The following ITFG1 variants were observed in gnomAD, a reference collection of about 807,000 sequenced individuals.
The protein encoded by ITFG1 is T-cell immunomodulatory protein.
In ITFG1, 34 loss-of-function variants were observed where a neutral mutation model predicts 81.8. The ratio of observed to expected loss-of-function variants is 0.42; its 90% CI spans 0.32 to 0.55. The LOEUF (loss-of-function observed/expected upper bound fraction) is 0.55. Among genes scored for constraint, ITFG1 ranks in the 20% least tolerant of loss-of-function variants. The probability of loss-of-function intolerance (pLI) is 0.17; values close to 1 mark genes in which losing one functional copy is unlikely to be tolerated. For synonymous variants in ITFG1, 285 were observed against 270.6 expected (o/e 1.05, Z -0.52); for missense variants, 672 against 755.4 (o/e 0.89, Z 1.29).
At chr16:47,324,473 T>G (rs1276622574) in intron 8 of ITFG1, among the ~76,000 whole-genome samples, 2 of 152,172 alleles carry the variant, frequency 1.3e-5, no homozygotes, top group Non-Finnish European at 2.9e-5. Context: ...CAGGATCAAA[T>G]TCACACATAA....
At chr16:47,224,443 G>A (rs1175524228) in intron 13 of ITFG1, among the ~76,000 whole-genome samples, 2 of 152,066 alleles carry the variant, frequency 1.3e-5, no homozygotes, top group Non-Finnish European at 1.5e-5. Context: ...ACTGGAGAAG[G>A]GCCTAACCTC....
At chr16:47,219,946 CA>C (rs1193099551) in intron 13 of ITFG1, among the ~76,000 whole-genome samples, 1 of 152,160 alleles carries the variant, frequency 6.6e-6, no homozygotes, top group African/African-American at 2.4e-5. Flanking sequence ...ACTTAAGAAA[CA>C]TTTTTATGTG....
chr16:47,307,460 T>C (rs1280052956), intron 10 of ITFG1, among the ~76,000 whole-genome samples: 3 of 152,178 alleles, frequency 2.0e-5, no homozygotes, highest in Non-Finnish European at 4.4e-5. Context: ...TGGGATTCAT[T>C]ATAGCAGATG....
At chr16:47,337,160 G>GA (rs1426922111) in intron 8 of ITFG1, among the ~76,000 whole-genome samples, 5 of 142,984 alleles carry the variant, frequency 3.5e-5, no homozygotes, top group Non-Finnish European at 4.6e-5. Context: ...AAAAGAAAAA[G>GA]AAAAAAAAAG....
intron 14 of ITFG1, among the ~76,000 whole-genome samples, chr16:47,190,288 A>G (rs1965276388): frequency 6.6e-6 from 1 of 152,196 alleles, no homozygotes; most frequent in South Asian, 2.1e-4. Flanking sequence ...ACTTTAAAAC[A>G]AAAGGTGAGA....
rs1965896052 is a variant in ITFG1, at chr16:47,238,072, T to C, written c.1331-64A>G. 3.5e-5 allele frequency: 32 copies of C among 906,928 alleles called. 1 individual carries two copies. In the South Asian group the frequency reaches 4.9e-4, roughly 14 times the overall value. The allele number at this position is 906,928 out of a possible 1,614,324, so 56.2% of individuals were successfully genotyped here. On this transcript the variant is annotated intron_variant, in intron 12 of 17. Transcript: ENST00000320640. ...TTTATATTTAAAGTGAGCTCTAATT[T>C]TCTCCCTAAGATCCATTAATATACT...
At chr16:47,224,418 T>C (rs148690095) in intron 13 of ITFG1, among the ~76,000 whole-genome samples, 4 of 152,296 alleles carry the variant, frequency 2.6e-5, no homozygotes, top group Admixed American at 1.3e-4. Context: ...AGCACTATGT[T>C]CGTGCCCCAG....
At chr16:47,202,094 A>G (rs1965431479) in intron 14 of ITFG1, 1 of 152,220 alleles carries the variant, frequency 6.6e-6, no homozygotes, top group South Asian at 2.1e-4. Context: ...TAAGAAGTAA[A>G]TAGTACTCCC....
At chr16:47,404,302 G>GA (rs1484466007) in intron 6 of ITFG1, among the ~76,000 whole-genome samples, 4 of 152,104 alleles carry the variant, frequency 2.6e-5, no homozygotes, top group African/African-American at 9.7e-5. Context: ...TAACACATAA[G>GA]AGAGTATAAT....
chr16:47,441,928 A>T (rs909594018), intron 5 of ITFG1, among the ~76,000 whole-genome samples: 1 of 152,060 alleles, frequency 6.6e-6, no homozygotes, highest in Non-Finnish European at 1.5e-5. Context: ...TATCTAGAAA[A>T]CCCCATCGTC....
chr16:47,349,236 A>C (rs531417875), intron 8 of ITFG1, among the ~76,000 whole-genome samples: 37 of 152,340 alleles, frequency 2.4e-4, no homozygotes, highest in Middle Eastern at 3.4e-3. Flanking sequence ...TAAATGGGCT[A>C]AATGCTCCAA....
At chr16:47,304,032 T>G (rs553546816) in intron 10 of ITFG1, among the ~76,000 whole-genome samples, 5 of 152,224 alleles carry the variant, frequency 3.3e-5, no homozygotes, top group African/African-American at 1.2e-4. Context: ...AATTCTTAGA[T>G]TGATACATTT....
intron 8 of ITFG1, among the ~76,000 whole-genome samples, chr16:47,334,976 C>A (rs1254978341): frequency 6.6e-6 from 1 of 152,112 alleles, no homozygotes; most frequent in East Asian, 1.9e-4. Context: ...GCAAAGAATT[C>A]TTAGATATGA....
chr16:47,364,321 G>C (rs1056316956), intron 8 of ITFG1, among the ~76,000 whole-genome samples: 1 of 152,006 alleles, frequency 6.6e-6, no homozygotes, highest in African/African-American at 2.4e-5. Flanking sequence ...ACATGCAAAC[G>C]TTTATGTTTA....
intron 10 of ITFG1, among the ~76,000 whole-genome samples, chr16:47,300,628 T>C (rs540376922): frequency 2.6e-5 from 4 of 152,360 alleles, no homozygotes; most frequent in African/African-American, 7.2e-5. Flanking sequence ...CTGCTGTCTA[T>C]GCATCTCCAA....
At chr16:47,405,421 A>AAT (rs1968716442) in intron 6 of ITFG1, among the ~76,000 whole-genome samples, 1 of 152,218 alleles carries the variant, frequency 6.6e-6, no homozygotes, top group Non-Finnish European at 1.5e-5. Context: ...TTTTGTGGGC[A>AAT]ATATATATCC....
chr16:47,372,813 C>T lies in ITFG1; in HGVS notation c.720+3063G>A, dbSNP rs560915538. On this transcript the variant is annotated intron_variant, in intron 7 of 17. Transcript: ENST00000320640. ...AGTAAGCACTGTGTTAATGGTCATC[C>T]CATATTCTCATATCTAACCCTTTTT... Among the ~76,000 whole-genome samples, 4 of 152,282 alleles carry T rather than the reference C, an allele frequency of 2.6e-5. No homozygotes were observed. In the South Asian group the frequency reaches 6.2e-4, roughly 24 times the overall value.
At chr16:47,238,608 A>C (rs1299456064) in intron 12 of ITFG1, among the ~76,000 whole-genome samples, 1 of 152,194 alleles carries the variant, frequency 6.6e-6, no homozygotes, top group Non-Finnish European at 1.5e-5. Flanking sequence ...ATGAGTTCTG[A>C]AATAAAACCA....
At chr16:47,345,910 G>T (rs1967847703) in intron 8 of ITFG1, among the ~76,000 whole-genome samples, 1 of 152,136 alleles carries the variant, frequency 6.6e-6, no homozygotes, top group Non-Finnish European at 1.5e-5. Context: ...ATATTAATGG[G>T]CACGAATAGA....
Sources: gnomAD v4.1 joint callset for allele counts (sites outside exome capture counted in the v4.1 genomes callset) on GRCh38, gnomAD v4.1.1 for gene constraint, MANE v1.5 for transcripts, NCBI Gene and HGNC (gene_info 2026-07-23, HGNC 2026-07-21) for gene names.